SRRM1: variants seen among roughly 807,000 people sequenced by gnomAD.
SRRM1 encodes the protein serine and arginine repetitive matrix 1.
SRRM1 carries 19 observed loss-of-function variants against 110.2 expected under a neutral mutation model. That is an observed-to-expected ratio of 0.17 (90% confidence interval 0.12 to 0.25). The LOEUF is 0.25. Among genes scored for constraint, SRRM1 ranks in the 10% least tolerant of loss-of-function variants. The pLI is 1.00. For synonymous variants in SRRM1, 443 were observed against 414.9 expected, an observed-to-expected ratio of 1.07 and a Z score of -0.82; for missense variants, 918 against 1,145.8, an observed-to-expected ratio of 0.80 and a Z score of 2.87.
rs1230899280 is a variant in SRRM1 at position 24,672,523 on chromosome 1, A to C, written c.*237A>C. 2.4e-5 allele frequency: 6 copies of C among 248,018 alleles called. No individual in the cohort carries two copies. The highest frequency in any genetic ancestry group is 4.7e-5 in the Non-Finnish European group (6 of 128,934). The allele number at this position is 248,018 out of a possible 1,614,324, so 15.4% of individuals were successfully genotyped here. On this transcript the variant is annotated 3_prime_UTR_variant, in exon 17 of 17. Coordinates refer to ENST00000323848, the MANE Select transcript of SRRM1 (RefSeq NM_005839.4). The stretch of plus-strand genomic sequence containing the variant: ...TCATTGAGTGAAATATTTTAAGCCA[A>C]AAAAAAATTCCCTTTTTAAAAAAGG...
chr1:24,648,673 TTAGAGATTA>T (rs1371304003), intron 3 of SRRM1, 177 bp from the exon 4 acceptor site: 3 of 524,864 alleles, frequency 5.7e-6, no homozygotes, highest in Non-Finnish European at 1.0e-5. Context: ...TGGTAATCTG[TTAGAGATTA>T]TATTGCTGAG....
Position 24,672,334 on chromosome 1 carries a change from T to C in SRRM1, c.*48T>C, listed in dbSNP as rs1340170337. ...AAATTTTATTTGGTTTGTACGCAGT[T>C]CAATTTCAAAATTGCTAAAATGTGT... On this transcript the variant is annotated 3_prime_UTR_variant, in exon 17 of 17. Coordinates refer to ENST00000323848, the MANE Select transcript of SRRM1 (RefSeq NM_005839.4). The C allele has an allele frequency of 7.3e-7, 1 of 1,367,412 alleles. No individual in the cohort carries two copies. Among genetic ancestry groups the C allele is most frequent in the South Asian group, 1.3e-5 (1 of 77,056 alleles). 84.7% of individuals were successfully genotyped at this position (1,367,412 alleles called of 1,614,324 possible). A position where few individuals can be genotyped will look rare whatever the true frequency, so the allele number is the denominator to read the frequency against.
intron 6 of SRRM1, 26 bp downstream of exon 6, chr1:24,651,638 A>G: frequency 6.6e-7 from 1 of 1,526,320 alleles, no homozygotes; most frequent in Non-Finnish European, 9.0e-7. Context: ...TTCATTTATA[A>G]ATAATCACAA....
intron 12 of SRRM1, among the ~76,000 whole-genome samples, chr1:24,663,993 T>TC: frequency 7.4e-6 from 1 of 135,276 alleles, no homozygotes; most frequent in East Asian, 2.0e-4. Flanking sequence ...CTCTCTTTTT[T>TC]TTTTTTTTTT....
intron 3 of SRRM1, chr1:24,647,950 T>G (rs1658501317): frequency 6.6e-6 from 1 of 152,208 alleles, no homozygotes; most frequent in South Asian, 2.1e-4. Context: ...GAGATTAAAG[T>G]TTAGAACTTT....
chr1:24,653,279 C>T (rs1197406256), intron 8 of SRRM1, among the ~76,000 whole-genome samples: 4 of 152,206 alleles, frequency 2.6e-5, no homozygotes, highest in African/African-American at 7.2e-5. Context: ...AACTTTTACC[C>T]TTCTAGACTT....
intron 5 of SRRM1, chr1:24,650,602 C>T (rs1274806414): frequency 6.6e-6 from 1 of 152,220 alleles, no homozygotes; most frequent in East Asian, 1.9e-4. Flanking sequence ...AAATCCACGG[C>T]TCAGCTTCTA....
Position 24,661,328 on chromosome 1 carries a change from A to C in SRRM1, c.1415A>C (p.Lys472Thr). ...CTTTCAGAAGAAGATAAAGGTGGCA[A>C]AATGGCTGCAGCAGATTCTGTGCAG... ...LSESEEDKGG[K>T]MAAADSVQQR... Residue 472 changes from lysine to threonine, a missense_variant, in exon 11 of 17, where the codon AAA becomes ACA. Coordinates refer to ENST00000323848, the MANE Select transcript of SRRM1 (RefSeq NM_005839.4). The C allele has an allele frequency of 6.2e-7, 1 of 1,613,000 alleles. No individual in the cohort carries two copies. The highest frequency in any genetic ancestry group is 1.1e-5 in the South Asian group (1 of 90,912).
intron 10 of SRRM1, chr1:24,661,099 G>T (rs964187807): frequency 7.3e-6 from 4 of 546,664 alleles, no homozygotes; most frequent in Non-Finnish European, 1.3e-5. Flanking sequence ...CTGACCTGTA[G>T]TAAATGCCTA....
At chr1:24,662,557 G>A in intron 11 of SRRM1, 103 bp from the exon 12 acceptor site, 1 of 1,117,150 alleles carries the variant, frequency 9.0e-7, no homozygotes, top group Non-Finnish European at 1.3e-6. Flanking sequence ...CTGTATACAT[G>A]CTTGCTTACC....
chr1:24,648,932 G>A lies in SRRM1; in HGVS notation c.308G>A (p.Gly103Glu). Reference sequence around the variant, plus strand: ...GGAAAAAATGCTCGAGAATTTATGGGAGAACTGTGGCCCCTGCTGCTAAGT... The same window carrying A: ...GGAAAAAATGCTCGAGAATTTATGGAAGAACTGTGGCCCCTGCTGCTAAGT... ...LNGKNAREFM[G>E]ELWPLLLSAQ... Residue 103 changes from glycine to glutamate, a missense_variant, in exon 4 of 17, where the codon GGA (glycine) becomes GAA (glutamate). Physicochemically the swap from Gly to Glu is moderately conservative, Grantham distance 98 (BLOSUM62 -2). This residue lies in a region of SRRM1 where 38 missense variants were observed against 144.5 expected (regional missense o/e 0.26). Coordinates refer to ENST00000323848, the MANE Select transcript of SRRM1 (RefSeq NM_005839.4). The A allele has an allele frequency of 6.2e-7, 1 of 1,613,730 alleles. No individual in the cohort carries two copies. The highest frequency in any genetic ancestry group is 2.2e-5 in the East Asian group (1 of 44,886).
At chr1:24,661,646 C>G (rs996813446) in intron 11 of SRRM1, among the ~76,000 whole-genome samples, 2 of 152,090 alleles carry the variant, frequency 1.3e-5, no homozygotes, top group Non-Finnish European at 2.9e-5. Context: ...AAATTGGAAA[C>G]GTATCATTCT....
chr1:24,661,423 T>C (rs758125293), intron 11 of SRRM1, 27 bp downstream of exon 11: 12 of 1,545,918 alleles, frequency 7.8e-6, no homozygotes, highest in Admixed American at 1.7e-5. Flanking sequence ...AAGTTTTTTT[T>C]CTACCTGTAT....
rs1307919729 is a variant in SRRM1 at position 24,672,320 on chromosome 1, G to A, written c.*34G>A. The A allele has an allele frequency of 6.7e-7, 1 of 1,482,424 alleles. No homozygotes were observed. Among genetic ancestry groups the A allele is most frequent in the Non-Finnish European group, 9.2e-7 (1 of 1,083,176 alleles). The allele number at this position is 1,482,424 out of a possible 1,614,324, so 91.8% of individuals were successfully genotyped here. A position where few individuals can be genotyped will look rare whatever the true frequency, so the allele number is the denominator to read the frequency against. ...GTTTGTTATGATGTAAATTTTATTT[G>A]GTTTGTACGCAGTTCAATTTCAAAA... On this transcript the variant is annotated 3_prime_UTR_variant, in exon 17 of 17. Transcript: ENST00000323848.
rs781525173 is a variant in SRRM1 at position 24,652,963 on chromosome 1, G to A, written c.971G>A (p.Arg324Gln). 4.3e-6 allele frequency: 7 copies of A among 1,613,942 alleles called. No individual in the cohort carries two copies. The highest frequency in any genetic ancestry group is 3.3e-5 in the Admixed American group (2 of 60,006). The change falls in exon 8 of 17, where the codon CGA becomes CAA. Residue 324 changes from arginine (R) to glutamine (Q), a missense_variant. By Grantham distance (43) the Arg-to-Gln change is conservative. Around this residue, in one of 5 missense-constraint regions of SRRM1, gnomAD observed 456 missense variants for 453.5 expected, o/e 1.01. Coordinates refer to ENST00000323848, the MANE Select transcript of SRRM1 (RefSeq NM_005839.4). Reference sequence around the variant, plus strand: ...AGCCCAAGAAGGCGGCCATCTCCTCGAAGAAGAACTCCGCCAAGAAGAATG... The same window carrying A: ...AGCCCAAGAAGGCGGCCATCTCCTCAAAGAAGAACTCCGCCAAGAAGAATG... ...RPSPRRRPSPRRRTPPRRMPP... is the reference protein window; with the variant it reads ...RPSPRRRPSPQRRTPPRRMPP...
rs541363096 is a variant in SRRM1 at position 24,672,394 on chromosome 1, T to C, written c.*108T>C. 5.2e-4 allele frequency: 394 copies of C among 750,918 alleles called. 2 individuals carry two copies. The East Asian group carries it at 0.011, about 21-fold the overall frequency. 46.5% of individuals were successfully genotyped at this position (750,918 alleles called of 1,614,324 possible). ...AGACTATAACATTTGTTGTAATAAT[T>C]GCTAGGTTGAAGTTCAACATGTAAA... On this transcript the variant is annotated 3_prime_UTR_variant, in exon 17 of 17. Coordinates refer to ENST00000323848, the MANE Select transcript of SRRM1 (RefSeq NM_005839.4).
intron 7 of SRRM1, 74 bp from the exon 8 acceptor site, chr1:24,652,839 G>A (rs201428304): frequency 6.1e-4 from 914 of 1,503,350 alleles, no homozygotes; most frequent in Middle Eastern, 7.4e-4. Flanking sequence ...TTTAGATGTG[G>A]CCATTGAGAA....
At position 24,666,932 on chromosome 1, in the gene SRRM1, T is replaced by C; in HGVS notation, c.1739+7T>C. On this transcript the variant is annotated splice_region_variant and intron_variant, in intron 13 of 16. Coordinates refer to ENST00000323848, the MANE Select transcript of SRRM1 (RefSeq NM_005839.4). Reference sequence around the variant, plus strand: ...CACCACCACCACGACGAAGGTACTTTGTCAAATATGCTAACTGGAGCATCT... The same window carrying C: ...CACCACCACCACGACGAAGGTACTTCGTCAAATATGCTAACTGGAGCATCT... 2 of 1,593,046 alleles carry C rather than the reference T, an allele frequency of 1.3e-6. No homozygotes were observed. The highest frequency in any genetic ancestry group is 1.7e-6 in the Non-Finnish European group (2 of 1,170,612).
intron 12 of SRRM1, among the ~76,000 whole-genome samples, chr1:24,666,069 C>G (rs947491581): frequency 6.6e-6 from 1 of 152,276 alleles, no homozygotes; most frequent in African/African-American, 2.4e-5. Flanking sequence ...ACCTGGAGAG[C>G]CTTTCCCAAA....
Sources: gnomAD v4.1 joint callset for allele counts (sites outside exome capture counted in the v4.1 genomes callset) on GRCh38, gnomAD v4.1.1 for gene constraint, gnomAD v4.1.1 regional missense constraint, MANE v1.5 for transcripts, NCBI Gene and HGNC (gene_info 2026-07-23, HGNC 2026-07-21) for gene names.